The following SLC24A3 variants were observed in gnomAD, a reference collection of about 807,000 sequenced individuals.
The protein encoded by SLC24A3 is solute carrier family 24 member 3, also known as sodium/potassium/calcium exchanger 3.
Under a neutral mutation model 75.8 loss-of-function variants are expected in SLC24A3, and 28 were observed. The observed-to-expected ratio is 0.37, with a 90% confidence interval of 0.27 to 0.51. The LOEUF (loss-of-function observed/expected upper bound fraction) is 0.51, where lower values mean the gene tolerates loss of function less well. Ranked by LOEUF, SLC24A3 falls within the 20% of genes least tolerant of loss-of-function variation. The pLI is 0.94. For synonymous variants in SLC24A3, 372 were observed against 334.1 expected, an observed-to-expected ratio of 1.11 and a Z score of -1.24; for missense variants, 663 against 847.8, an observed-to-expected ratio of 0.78 and a Z score of 2.71.
chr20:19,446,259 C>T (rs1170364995), intron 2 of SLC24A3, among the ~76,000 whole-genome samples: 1 of 152,122 alleles, frequency 6.6e-6, no homozygotes, highest in Non-Finnish European at 1.5e-5. Flanking sequence ...TGGAAAAGCA[C>T]GAGAGGTTGA....
chr20:19,716,946 A>C (rs2122176480), intron 15 of SLC24A3, among the ~76,000 whole-genome samples: 1 of 152,312 alleles, frequency 6.6e-6, no homozygotes, highest in East Asian at 1.9e-4. Flanking sequence ...TCTGCAAAAA[A>C]CAAACCTCCA....
chr20:19,551,917 A>AT (rs2030702788), intron 3 of SLC24A3, among the ~76,000 whole-genome samples: 4 of 152,104 alleles, frequency 2.6e-5, no homozygotes, highest in Admixed American at 2.6e-4. Context: ...AAGCCAAAAC[A>AT]TTTTTTAAAA....
intron 1 of SLC24A3, among the ~76,000 whole-genome samples, chr20:19,237,671 A>G (rs1982204669): frequency 6.6e-6 from 1 of 152,168 alleles, no homozygotes. Context: ...TTGAATGGAC[A>G]ACAGCATGAG....
At chr20:19,409,206 A>G (rs868660634) in intron 2 of SLC24A3, among the ~76,000 whole-genome samples, 11 of 152,292 alleles carry the variant, frequency 7.2e-5, no homozygotes, top group South Asian at 2.1e-4. Flanking sequence ...GAGACACCCT[A>G]TGAAGACCAG....
At chr20:19,340,540 G>T (rs187746283) in intron 2 of SLC24A3, among the ~76,000 whole-genome samples, 1 of 152,158 alleles carries the variant, frequency 6.6e-6, no homozygotes, top group East Asian at 1.9e-4. Flanking sequence ...GATAAAAGGC[G>T]TGGATCTTCT....
intron 1 of SLC24A3, among the ~76,000 whole-genome samples, chr20:19,267,553 A>G (rs1983203807): frequency 6.6e-6 from 1 of 152,200 alleles, no homozygotes; most frequent in Non-Finnish European, 1.5e-5. Context: ...TTTAATTTCA[A>G]TTTTCTAATA....
At chr20:19,507,542 G>GTAC (rs1988479507) in intron 2 of SLC24A3, among the ~76,000 whole-genome samples, 1 of 152,266 alleles carries the variant, frequency 6.6e-6, no homozygotes, top group Non-Finnish European at 1.5e-5. Flanking sequence ...GCATCCTGAT[G>GTAC]TACCTTTCAA....
intron 11 of SLC24A3, 94 bp downstream of exon 11, chr20:19,684,430 A>C: frequency 1.4e-6 from 2 of 1,414,308 alleles, no homozygotes; most frequent in Middle Eastern, 2.4e-4. Flanking sequence ...GAAGCACCTA[A>C]CTCAAAGTTT....
chr20:19,400,498 G>C (rs1237089013), intron 2 of SLC24A3, among the ~76,000 whole-genome samples: 1 of 152,162 alleles, frequency 6.6e-6, no homozygotes, highest in East Asian at 1.9e-4. Context: ...GCCGGGCGCT[G>C]TGACCTCTAA....
At chr20:19,330,734 C>T (rs1342093231) in intron 2 of SLC24A3, among the ~76,000 whole-genome samples, 1 of 152,140 alleles carries the variant, frequency 6.6e-6, no homozygotes, top group African/African-American at 2.4e-5. Flanking sequence ...GATGCAAAAT[C>T]CATGGGAAAG....
intron 2 of SLC24A3, among the ~76,000 whole-genome samples, chr20:19,381,042 T>TA (rs1379942963): frequency 6.6e-6 from 1 of 152,172 alleles, no homozygotes; most frequent in East Asian, 1.9e-4. Context: ...TAAGAGTGCT[T>TA]AACTCAGTGT....
chr20:19,488,840 A>G (rs1568632589), intron 2 of SLC24A3, among the ~76,000 whole-genome samples: 1 of 152,214 alleles, frequency 6.6e-6, no homozygotes, highest in Non-Finnish European at 1.5e-5. Flanking sequence ...AATTTTGCAC[A>G]TGAAACAAAG....
intron 6 of SLC24A3, among the ~76,000 whole-genome samples, chr20:19,620,645 C>T (rs567700665): frequency 3.9e-5 from 6 of 152,308 alleles, no homozygotes; most frequent in African/African-American, 1.4e-4. Flanking sequence ...CCTGCTGGGA[C>T]ATTAGCAGGT....
chr20:19,497,402 C>T (rs1433733923), intron 2 of SLC24A3, among the ~76,000 whole-genome samples: 1 of 152,162 alleles, frequency 6.6e-6, no homozygotes, highest in Admixed American at 6.5e-5. Flanking sequence ...CCTCCGGGGT[C>T]ATGTTTCTCC....
In SLC24A3 at chr20:19,346,144, TGTATATATATATGGTGTATATATATG is replaced by T. The variant is rs1568595682; in HGVS notation, c.271+65083_271+65108del. ...TGTGTGTATATATATATATGGTGTG[TGTATATATATATGGTGTATATATATG>T]GTATATATATATGGTGTATATATAT... On this transcript the variant is annotated intron_variant, in intron 2 of 16. Coordinates refer to ENST00000328041, the MANE Select transcript of SLC24A3 (RefSeq NM_020689.4). Among the ~76,000 whole-genome samples the T allele has an allele frequency of 1.3e-4, 11 of 83,434 alleles. 2 individuals are homozygous for T. The highest frequency in any genetic ancestry group is 4.8e-4 in the African/African-American group (9 of 18,918). The allele number at this position is 83,434 out of a possible 152,430, so 54.7% of individuals were successfully genotyped here.
chr20:19,394,133 C>T (rs1986410694), intron 2 of SLC24A3, among the ~76,000 whole-genome samples: 1 of 152,140 alleles, frequency 6.6e-6, no homozygotes, highest in Admixed American at 6.5e-5. Context: ...ACAAATGTTT[C>T]TGGGTAAACT....
intron 2 of SLC24A3, among the ~76,000 whole-genome samples, chr20:19,482,402 A>C (rs909302741): frequency 2.6e-5 from 4 of 152,074 alleles, no homozygotes; most frequent in African/African-American, 4.8e-5. Flanking sequence ...ACTTTACTCC[A>C]AATCTGCTTG....
intron 2 of SLC24A3, among the ~76,000 whole-genome samples, chr20:19,423,613 G>A (rs1986952878): frequency 6.6e-6 from 1 of 152,140 alleles, no homozygotes; most frequent in African/African-American, 2.4e-5. Context: ...AGCTCCATTT[G>A]TTGTTATTAA....
intron 7 of SLC24A3, among the ~76,000 whole-genome samples, chr20:19,661,553 A>G (rs1003926514): frequency 6.6e-6 from 1 of 152,182 alleles, no homozygotes; most frequent in African/African-American, 2.4e-5. Context: ...TCTTTGCAGC[A>G]AGGAAGGAAA....
Sources: gnomAD v4.1 joint callset for allele counts (sites outside exome capture counted in the v4.1 genomes callset) on GRCh38, gnomAD v4.1.1 for gene constraint, MANE v1.5 for transcripts, NCBI Gene and HGNC (gene_info 2026-07-23, HGNC 2026-07-21) for gene names.